TRIM17: variants seen among roughly 807,000 people sequenced by gnomAD.
The protein encoded by TRIM17 is E3 ubiquitin-protein ligase TRIM17.
A neutral mutation model predicts 35.8 loss-of-function variants in TRIM17; 27 were observed. The ratio of observed to expected loss-of-function variants is 0.75; its 90% CI spans 0.56 to 1.04. The LOEUF (loss-of-function observed/expected upper bound fraction) is 1.04, where lower values mean the gene tolerates loss of function less well. TRIM17 is among the 50% of genes least tolerant of loss of function. The pLI, the probability that TRIM17 is intolerant of heterozygous loss-of-function variation, is 0.00. For missense variants in TRIM17, 582 were observed against 612.8 expected, an observed-to-expected ratio of 0.95 and a Z score of 0.53; for synonymous variants, 246 against 252.6, an observed-to-expected ratio of 0.97 and a Z score of 0.25.
chr1:228,413,669 A>G (rs923435390), intron 3 of TRIM17, 128 bp downstream of exon 3: 11 of 697,092 alleles, frequency 1.6e-5, no homozygotes, highest in Non-Finnish European at 2.7e-5. Flanking sequence ...CAGAACCTAG[A>G]AGGGTAGAGG....
rs1656973652 is a variant in TRIM17 at position 228,414,565 on chromosome 1, C to T, written c.429+79G>A. 3 of 1,297,922 alleles carry T rather than the reference C, an allele frequency of 2.3e-6. No individual in the cohort carries two copies. In the East Asian group the frequency reaches 7.0e-5, roughly 30 times the overall value. The allele number at this position is 1,297,922 out of a possible 1,614,324, so 80.4% of individuals were successfully genotyped here. On this transcript the variant is annotated intron_variant, in intron 2 of 6. Transcript: ENST00000366698. Reference sequence around the variant, plus strand: ...CACTTTGTCCCTGGACACCTCCTCCCTCCCCCATGATCTGGGTCACCTTGT... The same window carrying T: ...CACTTTGTCCCTGGACACCTCCTCCTTCCCCCATGATCTGGGTCACCTTGT...
chr1:228,416,507 G>GTAGCC, intron 1 of TRIM17, 32 bp downstream of exon 1: 1 of 985,448 alleles, frequency 1.0e-6, no homozygotes, highest in Non-Finnish European at 1.2e-6. Flanking sequence ...CCACAGGAGG[G>GTAGCC]TAGCCTAGGC....
intron 1 of TRIM17, chr1:228,416,314 C>T (rs1657121096): frequency 1.0e-6 from 1 of 984,232 alleles, no homozygotes; most frequent in Non-Finnish European, 1.2e-6. Flanking sequence ...GGCAGCGGGC[C>T]TGGGGCTCTG....
rs1254564678 is a variant in TRIM17, at chr1:228,416,733, G to A, written c.-236C>T. On this transcript the variant is annotated 5_prime_UTR_variant, in exon 1 of 7. Transcript: ENST00000366698. The stretch of plus-strand genomic sequence containing the variant: ...GCGGCGGGGGAGGGGAATGCTGGGC[G>A]AGGGAGTGTTCGGCGGCCGGGACTG... 2 of 982,842 alleles carry A rather than the reference G, an allele frequency of 2.0e-6. No individual in the cohort carries two copies. 60.9% of individuals were successfully genotyped at this position (982,842 alleles called of 1,614,324 possible).
In TRIM17 at chr1:228,408,817, GT is replaced by G; in HGVS notation, c.884-67del. 1 of 1,550,454 alleles carries G rather than the reference GT, an allele frequency of 6.4e-7. No homozygotes were observed. The highest frequency in any genetic ancestry group is 1.8e-5 in the Admixed American group (1 of 55,822). Reference sequence around the variant, plus strand: ...GGGGCATTCAGGGTCAAAGGTGGGAGTCCCCGGGCCCTAGTGGTGGATGTGG... The same window carrying G: ...GGGGCATTCAGGGTCAAAGGTGGGAGCCCCGGGCCCTAGTGGTGGATGTGG... On this transcript the variant is annotated intron_variant, in intron 6 of 6. Coordinates refer to ENST00000366698, the MANE Select transcript of TRIM17 (RefSeq NM_016102.4). This position sits in a 1 kb window ranked among gnomAD's most constrained non-coding sequence, Gnocchi z 6.3.
rs755176892 is a variant in TRIM17 at position 228,414,679 on chromosome 1, CCCTGTGCAG to C, written c.385_393del (p.Leu129_Arg131del). 6.2e-6 allele frequency: 10 copies of C among 1,611,754 alleles called. No individual in the cohort carries two copies. The Admixed American group carries it at 1.7e-4, about 27-fold the overall frequency. On this transcript the variant is annotated inframe_deletion, in exon 2 of 7. Transcript: ENST00000366698. ...TGCACTGCCTCCTCGGCGGGCAGCACCCTGTGCAGCCGGTGCTCCCGGGACTCCCTGCAC... is the reference window on the plus strand; with the variant it reads ...TGCACTGCCTCCTCGGCGGGCAGCACCCGGTGCTCCCGGGACTCCCTGCAC...
Position 228,413,821 on chromosome 1 carries a change from C to T in TRIM17, c.501G>A (p.Glu167=), listed in dbSNP as rs1303414473. The T allele has an allele frequency of 4.3e-6, 7 of 1,614,190 alleles. No individual in the cohort carries two copies. In the South Asian group the frequency reaches 4.4e-5, roughly 10 times the overall value. The change falls in exon 3 of 7, where the codon GAG becomes GAA. Residue 167 remains glutamate (E), a synonymous_variant. Coordinates refer to ENST00000366698, the MANE Select transcript of TRIM17 (RefSeq NM_016102.4). ...ITRTGNLQAR[E]EQSLAEWQGK... is the part of the protein sequence containing the mutation. ...CCTGCCACTCGGCTAAGCTCTGCTC[C>T]TCCCTGGCCTGCAGATTCCCTGTCC...
intron 2 of TRIM17, among the ~76,000 whole-genome samples, chr1:228,414,104 C>T (rs1377552846): frequency 2.6e-5 from 4 of 152,216 alleles, no homozygotes; most frequent in South Asian, 2.1e-4. Context: ...CTGTGACCCT[C>T]GGCCTTCCTA....
At position 228,411,145 on chromosome 1, in the gene TRIM17, A is replaced by G; in HGVS notation, c.557T>C (p.Val186Ala). Residue 186 changes from valine to alanine, a missense_variant, in exon 4 of 7, where the codon GTG becomes GCG. Physicochemically the swap from Val to Ala is moderately conservative, Grantham distance 64. Coordinates refer to ENST00000366698, the MANE Select transcript of TRIM17 (RefSeq NM_016102.4). The surrounding 1 kb of genome is among the most constrained non-coding windows in gnomAD (Gnocchi z 4.2). ...GAGGTTCATCTTCTCAAACTCCAGCACAATGCGTTCTCTCCGCTCCTTCAC... is the reference window on the plus strand; with the variant it reads ...GAGGTTCATCTTCTCAAACTCCAGCGCAATGCGTTCTCTCCGCTCCTTCAC... ...GKVKERRERI[V>A]LEFEKMNLYL... 6.2e-7 allele frequency: 1 copy of G among 1,613,602 alleles called. No homozygotes were observed. The highest frequency in any genetic ancestry group is 8.5e-7 in the Non-Finnish European group (1 of 1,179,806).
Position 228,414,728 on chromosome 1 carries a change from G to A in TRIM17, c.345C>T (p.Ser115=), listed in dbSNP as rs1399792963. ...PLKLFCQKDQ[S]PICVVCRESR... ...ACTCCCTGCACACCACACAGATGGG[G>A]CTCTGGTCCTTCTGGCAGAAAAGCT... is the stretch of plus-strand genomic sequence containing the variant. Residue 115 remains serine (S), a synonymous_variant, in exon 2 of 7, where the codon AGC becomes AGT. Coordinates refer to ENST00000366698, the MANE Select transcript of TRIM17 (RefSeq NM_016102.4). 1.2e-6 allele frequency: 2 copies of A among 1,612,580 alleles called. No individual in the cohort carries two copies. Among genetic ancestry groups the A allele is most frequent in the Non-Finnish European group, 1.7e-6 (2 of 1,180,030 alleles).
chr1:228,414,366 C>T (rs1367988737), intron 2 of TRIM17, among the ~76,000 whole-genome samples: 1 of 152,242 alleles, frequency 6.6e-6, no homozygotes, highest in African/African-American at 2.4e-5. Context: ...TTCTGCTTAT[C>T]TGTCTCAAAT....
Position 228,414,883 on chromosome 1 carries a change from C to CG in TRIM17, c.189dup (p.Glu64ArgfsTer127), listed in dbSNP as rs1432891201. 18 of 1,613,466 alleles carry CG rather than the reference C, an allele frequency of 1.1e-5. No individual in the cohort carries two copies. Among genetic ancestry groups the CG allele is most frequent in the African/African-American group, 5.3e-5 (4 of 74,942 alleles). ...CTCTGCGGGGACATCTCTCTGCACTCGGGGCAGGGGAAGGAGCCCTTCCGC... is the reference window on the plus strand; with the variant it reads ...CTCTGCGGGGACATCTCTCTGCACTCGGGGGCAGGGGAAGGAGCCCTTCCGC... On this transcript the variant is annotated frameshift_variant, in exon 2 of 7. Transcript: ENST00000366698. LOFTEE classifies it high-confidence loss of function.
intron 2 of TRIM17, 65 bp from the exon 3 acceptor site, chr1:228,413,957 G>T: frequency 7.1e-7 from 1 of 1,401,726 alleles, no homozygotes. Flanking sequence ...CTAGAGTCCA[G>T]TTGTGCTCGC....
At position 228,408,053 on chromosome 1, in the gene TRIM17, C is replaced by A. The variant is rs1018551408; in HGVS notation, c.*148G>T. 5 of 719,042 alleles carry A rather than the reference C, an allele frequency of 7.0e-6. No individual in the cohort carries two copies. Among genetic ancestry groups the A allele is most frequent in the Non-Finnish European group, 1.1e-5 (5 of 456,140 alleles). 44.5% of individuals were successfully genotyped at this position (719,042 alleles called of 1,614,324 possible). Reference sequence around the variant, plus strand: ...TCTTAATGTTTGACAGTTCTAATCACAATTATATTTAGAATTTGAGAAACC... The same window carrying A: ...TCTTAATGTTTGACAGTTCTAATCAAAATTATATTTAGAATTTGAGAAACC... On this transcript the variant is annotated 3_prime_UTR_variant, in exon 7 of 7. Coordinates refer to ENST00000366698, the MANE Select transcript of TRIM17 (RefSeq NM_016102.4). The surrounding 1 kb of genome is among the most constrained non-coding windows in gnomAD (Gnocchi z 6.3).
intron 1 of TRIM17, 71 bp downstream of exon 1, chr1:228,416,468 C>G: frequency 1.0e-6 from 1 of 986,306 alleles, no homozygotes; most frequent in South Asian, 4.7e-5. Flanking sequence ...CGAGGAGGAC[C>G]GGGTTAGGCT....
chr1:228,416,017 G>A (rs537760213), intron 1 of TRIM17: 1 of 152,216 alleles, frequency 6.6e-6, no homozygotes, highest in Non-Finnish European at 1.5e-5. Flanking sequence ...GCGACCCCAC[G>A]CAGTGGAGAT....
intron 2 of TRIM17, 51 bp from the exon 3 acceptor site, chr1:228,413,943 C>T (rs368642549): frequency 2.4e-5 from 35 of 1,482,248 alleles, no homozygotes; most frequent in Middle Eastern, 1.7e-4. Flanking sequence ...CCCCTACCTC[C>T]TGCCTAGAGT....
At chr1:228,413,429 T>TG (rs1336614723) in intron 3 of TRIM17, among the ~76,000 whole-genome samples, 16 of 151,684 alleles carry the variant, frequency 1.1e-4, no homozygotes, top group African/African-American at 3.9e-4. Flanking sequence ...CTGCCTCCTT[T>TG]GTGGTATTGA....
chr1:228,414,590 T>TC, intron 2 of TRIM17, 54 bp downstream of exon 2: 1 of 1,491,096 alleles, frequency 6.7e-7, no homozygotes, highest in Admixed American at 1.7e-5. Context: ...GGTCACCTTG[T>TC]CCCCCTGGAT....
Sources: allele counts gnomAD v4.1 joint callset (sites outside exome capture counted in the v4.1 genomes callset), GRCh38; gene constraint gnomAD v4.1.1; non-coding constraint Gnocchi (gnomAD v3.1); transcripts MANE v1.5; gene names NCBI Gene and HGNC (gene_info 2026-07-23, HGNC 2026-07-21).